The following NTM variants were observed in gnomAD, a reference collection of about 807,000 sequenced individuals.
NTM encodes the protein IgLON family member 2.
In NTM, 13 loss-of-function variants were observed where a neutral mutation model predicts 42.1. The observed-to-expected ratio is 0.31, with a 90% confidence interval of 0.20 to 0.49. NTM has a LOEUF of 0.49. Ranked by LOEUF, NTM falls within the 20% of genes least tolerant of loss-of-function variation. The pLI is 0.99. For missense variants in NTM, 373 were observed against 452.8 expected (o/e 0.82, Z 1.60); for synonymous variants, 187 against 179.2 (o/e 1.04, Z -0.35).
At chr11:132,039,194 G>A (rs80188372) in intron 2 of NTM, among the ~76,000 whole-genome samples, 11 of 152,042 alleles carry the variant, frequency 7.2e-5, no homozygotes, top group South Asian at 2.1e-4. Flanking sequence ...CAATTGGACC[G>A]CAGTTGGCCC....
chr11:131,416,150 A>G (rs556134554), intron 1 of NTM, among the ~76,000 whole-genome samples: 2 of 151,880 alleles, frequency 1.3e-5, no homozygotes, highest in South Asian at 2.1e-4. Flanking sequence ...TCTGGCAACT[A>G]TATTTGGTAC....
chr11:131,422,650 C>T (rs770808984), intron 1 of NTM, among the ~76,000 whole-genome samples: 5 of 152,180 alleles, frequency 3.3e-5, no homozygotes, highest in Non-Finnish European at 7.3e-5. Context: ...ACTATCTGGG[C>T]AGGAAATTGT....
chr11:131,542,642 T>C (rs2053429699), intron 1 of NTM, among the ~76,000 whole-genome samples: 1 of 152,160 alleles, frequency 6.6e-6, no homozygotes, highest in Non-Finnish European at 1.5e-5. Flanking sequence ...ATTTATCAGC[T>C]CCCTCTACTT....
At chr11:131,410,545 A>G (rs1946290741) in intron 1 of NTM, among the ~76,000 whole-genome samples, 1 of 143,102 alleles carries the variant, frequency 7.0e-6, no homozygotes, top group African/African-American at 2.6e-5. Flanking sequence ...AAAAAAAAAC[A>G]GAGAAGGACA....
chr11:131,399,717 C>T (rs1402742522), intron 1 of NTM, among the ~76,000 whole-genome samples: 2 of 152,106 alleles, frequency 1.3e-5, no homozygotes, highest in African/African-American at 4.8e-5. Flanking sequence ...TTGTTCTAAT[C>T]CTTAGCGCCC....
chr11:132,154,541 T>C (rs916313306), intron 3 of NTM, among the ~76,000 whole-genome samples: 1 of 152,206 alleles, frequency 6.6e-6, no homozygotes, highest in Non-Finnish European at 1.5e-5. Flanking sequence ...TCTTTGTGTC[T>C]TAGCAAATAG....
chr11:131,497,056 G>A (rs1444587179), intron 1 of NTM, among the ~76,000 whole-genome samples: 1 of 152,166 alleles, frequency 6.6e-6, no homozygotes, highest in African/African-American at 2.4e-5. Context: ...GGCTGTTCAG[G>A]TTTTGGAAGA....
intron 1 of NTM, among the ~76,000 whole-genome samples, chr11:131,672,272 T>C (rs1427568948): frequency 1.3e-5 from 2 of 152,098 alleles, no homozygotes; most frequent in Admixed American, 6.5e-5. Flanking sequence ...CCCGAATGCA[T>C]TGAGGGTTCA....
chr11:132,072,418 G>A lies in NTM; in HGVS notation c.168-73864G>A, dbSNP rs191429060. 7.2e-4 allele frequency among the ~76,000 whole-genome samples: 110 copies of A among 152,330 alleles called. 2 individuals carry two copies. Among genetic ancestry groups the A allele is most frequent in the African/African-American group, 2.5e-3 (103 of 41,574 alleles). On this transcript the variant is annotated intron_variant, in intron 2 of 8. Coordinates refer to ENST00000683400, the MANE Select transcript of NTM (RefSeq NM_001352005.2). ...ACAATAAGGGTTCTCAAACACATAT[G>A]TGTGCAACTGATTTGTTGCTTTTGG...
At chr11:131,660,383 G>A (rs1392531157) in intron 1 of NTM, 1 of 439,842 alleles carries the variant, frequency 2.3e-6, no homozygotes, top group Non-Finnish European at 4.6e-6. Flanking sequence ...GGGCGGAGGG[G>A]GTGAGGGTGA....
chr11:131,820,375 T>C (rs891381776), intron 1 of NTM, among the ~76,000 whole-genome samples: 10 of 152,226 alleles, frequency 6.6e-5, no homozygotes, highest in Non-Finnish European at 1.5e-5. Context: ...TCCCTGTGGA[T>C]TGGAATCACG....
At chr11:132,273,718 C>A (rs1158322769) in intron 4 of NTM, among the ~76,000 whole-genome samples, 1 of 152,050 alleles carries the variant, frequency 6.6e-6, no homozygotes, top group Non-Finnish European at 1.5e-5. Flanking sequence ...ACCAGCCTGG[C>A]CAACATGGTG....
chr11:131,831,947 A>AT lies in NTM; in HGVS notation c.83-79617_83-79616insT, dbSNP rs2042873371. Among the ~76,000 whole-genome samples the AT allele has an allele frequency of 4.1e-5, 6 of 147,588 alleles. No homozygotes were observed. In the South Asian group the frequency reaches 1.3e-3, roughly 31 times the overall value. On this transcript the variant is annotated intron_variant, in intron 1 of 8. Coordinates refer to ENST00000683400, the MANE Select transcript of NTM (RefSeq NM_001352005.2). ...TTTATTCCTATGTAATTATATATAT[A>AT]ATATATATAATTAAATATAATATAT...
intron 7 of NTM, among the ~76,000 whole-genome samples, chr11:132,329,482 C>T (rs746179473): frequency 2.6e-5 from 4 of 152,302 alleles, no homozygotes; most frequent in Admixed American, 2.0e-4. Context: ...TGTAGCAGCA[C>T]GGGTGTGGGT....
At chr11:132,290,612 A>T (rs569807571) in intron 4 of NTM, among the ~76,000 whole-genome samples, 4 of 152,326 alleles carry the variant, frequency 2.6e-5, no homozygotes, top group African/African-American at 9.6e-5. Context: ...TTCATTCAAC[A>T]ACTATATATT....
chr11:131,793,775 G>A (rs991598729), intron 1 of NTM, among the ~76,000 whole-genome samples: 4 of 152,146 alleles, frequency 2.6e-5, no homozygotes, highest in Non-Finnish European at 5.9e-5. Context: ...TCTGGAAGGC[G>A]AGGTTGAAAA....
chr11:131,627,752 C>T (rs1463550453), intron 1 of NTM, among the ~76,000 whole-genome samples: 1 of 152,010 alleles, frequency 6.6e-6, no homozygotes, highest in Non-Finnish European at 1.5e-5. Flanking sequence ...GATTACTTGA[C>T]CCCAGGAGGT....
intron 2 of NTM, among the ~76,000 whole-genome samples, chr11:131,964,993 A>G (rs377663317): frequency 1.5e-3 from 227 of 152,246 alleles, no homozygotes; most frequent in Middle Eastern, 6.8e-3. Flanking sequence ...AGCCTGACAG[A>G]GAGTGATGAT....
At chr11:132,224,295 G>A (rs2085742774) in intron 4 of NTM, among the ~76,000 whole-genome samples, 1 of 152,174 alleles carries the variant, frequency 6.6e-6, no homozygotes, top group African/African-American at 2.4e-5. Context: ...TCTGCCTGAA[G>A]GCTGATGGTC....
Sources: allele counts gnomAD v4.1 joint callset (sites outside exome capture counted in the v4.1 genomes callset), GRCh38; gene constraint gnomAD v4.1.1; transcripts MANE v1.5; gene names NCBI Gene and HGNC (gene_info 2026-07-23, HGNC 2026-07-21).